TMEM65: variants seen among roughly 807,000 people sequenced by gnomAD.
TMEM65 encodes the protein transmembrane protein 65.
A neutral mutation model predicts 25.4 loss-of-function variants in TMEM65; 22 were observed. The observed-to-expected ratio is 0.86, with a 90% CI of 0.62 to 1.23. The LOEUF (loss-of-function observed/expected upper bound fraction) is 1.23. TMEM65 is among the 50% of genes most tolerant of loss of function. TMEM65 has a pLI of 0.00. For synonymous variants in TMEM65, 132 were observed against 126.2 expected, an observed-to-expected ratio of 1.05 and a Z score of -0.31; for missense variants, 262 against 308.2, an observed-to-expected ratio of 0.85 and a Z score of 1.12.
chr8:124,345,616 T>C (rs2131215738), intron 1 of TMEM65, among the ~76,000 whole-genome samples: 1 of 152,352 alleles, frequency 6.6e-6, no homozygotes. Context: ...ATAGAAACTA[T>C]AATTTGTCAT....
chr8:124,353,952 T>C (rs942893704), intron 1 of TMEM65, among the ~76,000 whole-genome samples: 4 of 152,180 alleles, frequency 2.6e-5, no homozygotes, highest in South Asian at 4.1e-4. Flanking sequence ...ATAGATACCA[T>C]GTTAATCAAA....
intron 1 of TMEM65, among the ~76,000 whole-genome samples, chr8:124,362,289 G>A (rs1341853455): frequency 6.6e-6 from 1 of 152,040 alleles, no homozygotes; most frequent in East Asian, 1.9e-4. Flanking sequence ...GATATTTGAA[G>A]GTTGTTTCAA....
At position 124,316,493 on chromosome 8, in the gene TMEM65, T is replaced by C. The variant is rs1451623280; in HGVS notation, c.622-2432A>G. Among the ~76,000 whole-genome samples, 5 of 152,258 alleles carry C rather than the reference T, an allele frequency of 3.3e-5. No homozygotes were observed. The East Asian group carries it at 9.7e-4, about 29-fold the overall frequency. ...TTCAGGCTGTATAGAATCAAAATGT[T>C]ATGTTACAGAGTAGAAGATTTGATT... On this transcript the variant is annotated intron_variant, in intron 6 of 6. Coordinates refer to ENST00000297632, the MANE Select transcript of TMEM65 (RefSeq NM_194291.3).
intron 1 of TMEM65, among the ~76,000 whole-genome samples, chr8:124,362,144 G>T (rs61595217): frequency 4.5e-4 from 69 of 151,828 alleles, no homozygotes; most frequent in African/African-American, 1.5e-3. Context: ...CACCCGCCTC[G>T]GCCTCCCAAA....
intron 1 of TMEM65, among the ~76,000 whole-genome samples, chr8:124,340,911 C>T (rs1280555415): frequency 2.0e-5 from 3 of 152,024 alleles, no homozygotes; most frequent in Admixed American, 1.3e-4. Flanking sequence ...CATTAGTAAA[C>T]ATGTTCTGTG....
chr8:124,314,831 G>A (rs1814213750), intron 6 of TMEM65, among the ~76,000 whole-genome samples: 1 of 150,200 alleles, frequency 6.7e-6, no homozygotes. Flanking sequence ...AGATAATTTT[G>A]TTACTTTTAT....
At chr8:124,327,734 A>C (rs749989416) in intron 2 of TMEM65, among the ~76,000 whole-genome samples, 30 of 151,980 alleles carry the variant, frequency 2.0e-4, no homozygotes, top group Non-Finnish European at 4.1e-4. Context: ...AACAGAACAA[A>C]TTAGTAAACA....
chr8:124,319,315 G>A (rs1045918613), intron 6 of TMEM65, among the ~76,000 whole-genome samples: 14 of 151,644 alleles, frequency 9.2e-5, no homozygotes, highest in Non-Finnish European at 4.4e-5. Flanking sequence ...TTTATTGATG[G>A]CATCATGATC....
intron 1 of TMEM65, among the ~76,000 whole-genome samples, chr8:124,333,476 T>TGTGTGC (rs1427479665): frequency 6.6e-6 from 1 of 150,934 alleles, no homozygotes; most frequent in Admixed American, 6.6e-5. Flanking sequence ...TGTGCGTGTG[T>TGTGTGC]GTGTGTGTGT....
At chr8:124,329,047 A>G (rs1271381759) in intron 2 of TMEM65, among the ~76,000 whole-genome samples, 1 of 152,030 alleles carries the variant, frequency 6.6e-6, no homozygotes, top group African/African-American at 2.4e-5. Flanking sequence ...CCAGTACATA[A>G]TAGGTATAAA....
intron 2 of TMEM65, among the ~76,000 whole-genome samples, chr8:124,328,511 G>C (rs1052106746): frequency 3.3e-5 from 5 of 151,964 alleles, no homozygotes; most frequent in Non-Finnish European, 5.9e-5. Context: ...TGAGGGCATG[G>C]TAGATGCTCA....
chr8:124,315,105 A>C (rs1010473472), intron 6 of TMEM65, among the ~76,000 whole-genome samples: 1 of 152,176 alleles, frequency 6.6e-6, no homozygotes, highest in Non-Finnish European at 1.5e-5. Flanking sequence ...AGAAGCTACT[A>C]TGTGTCAAAC....
intron 6 of TMEM65, among the ~76,000 whole-genome samples, chr8:124,318,287 T>G (rs1417131774): frequency 1.3e-5 from 2 of 151,808 alleles, no homozygotes; most frequent in Non-Finnish European, 2.9e-5. Flanking sequence ...GAGGACCCAT[T>G]TAAGCTATTC....
intron 1 of TMEM65, among the ~76,000 whole-genome samples, chr8:124,332,556 T>C (rs563492171): frequency 2.0e-5 from 3 of 152,244 alleles, no homozygotes; most frequent in East Asian, 3.9e-4. Context: ...TCAATATTCC[T>C]TTCTTTCTTT....
rs1330329468 is a variant in TMEM65 at position 124,308,136 on chromosome 8, T to C, written c.*5824A>G. ...TTCTGGATTGGCTCCATTGCTGTTTTGTCTTTGAAGTCAGGAAGTACCTTG... is the reference window on the plus strand; with the variant it reads ...TTCTGGATTGGCTCCATTGCTGTTTCGTCTTTGAAGTCAGGAAGTACCTTG... On this transcript the variant is annotated 3_prime_UTR_variant, in exon 7 of 7. Coordinates refer to ENST00000297632, the MANE Select transcript of TMEM65 (RefSeq NM_194291.3). 6.6e-6 allele frequency: 1 copy of C among 152,220 alleles called. No homozygotes were observed. Among genetic ancestry groups the C allele is most frequent in the Non-Finnish European group, 1.5e-5 (1 of 68,056 alleles). The allele number at this position is 152,220 out of a possible 1,614,324, so 9.4% of individuals were successfully genotyped here.
chr8:124,335,510 T>C (rs1321459624), intron 1 of TMEM65, among the ~76,000 whole-genome samples: 2 of 152,146 alleles, frequency 1.3e-5, no homozygotes, highest in Non-Finnish European at 2.9e-5. Context: ...ATGCAAAAAT[T>C]GTAACACTGT....
At chr8:124,363,266 C>A (rs1281097764) in intron 1 of TMEM65, among the ~76,000 whole-genome samples, 2 of 152,092 alleles carry the variant, frequency 1.3e-5, no homozygotes, top group Non-Finnish European at 2.9e-5. Context: ...GATGTTTAAT[C>A]TTCTTTGAGT....
chr8:124,330,806 A>G lies in TMEM65; in HGVS notation c.305-14T>C, dbSNP rs1181097660. ...CTTCCAATTTTTCTAAAGGGGAGAA[A>G]AAGGATGTGGGGCAAGAATTAGTTA... On this transcript the variant is annotated splice_polypyrimidine_tract_variant and intron_variant, in intron 1 of 6. Transcript: ENST00000297632. 6.3e-7 allele frequency: 1 copy of G among 1,578,060 alleles called. No individual in the cohort carries two copies. Among genetic ancestry groups the G allele is most frequent in the Non-Finnish European group, 8.6e-7 (1 of 1,166,380 alleles).
Position 124,372,292 on chromosome 8 carries a change from A to C in TMEM65, c.-135T>G. 36 of 805,650 alleles carry C rather than the reference A, an allele frequency of 4.5e-5. No individual in the cohort carries two copies. Among genetic ancestry groups the C allele is most frequent in the East Asian group, 2.8e-4 (3 of 10,888 alleles). 49.9% of individuals were successfully genotyped at this position (805,650 alleles called of 1,614,324 possible). ...CCAGGCAGCCGAGGCGCCGGGCACC[A>C]TGCACTCCGCGGGCCCGCGCGGCTC... On this transcript the variant is annotated 5_prime_UTR_variant, in exon 1 of 7. An upstream start codon of the reference 5' UTR is lost. Transcript: ENST00000297632.
Sources: gnomAD v4.1 joint callset for allele counts (sites outside exome capture counted in the v4.1 genomes callset) on GRCh38, gnomAD v4.1.1 for gene constraint, MANE v1.5 for transcripts, NCBI Gene and HGNC (gene_info 2026-07-23, HGNC 2026-07-21) for gene names.